The following FREM3 variants were observed in gnomAD, a reference collection of about 807,000 sequenced individuals.
The protein encoded by FREM3 is FRAS1-related extracellular matrix protein 3.
In FREM3, 105 loss-of-function variants were observed where a neutral mutation model predicts 129.1. That is an observed-to-expected ratio of 0.81 (90% CI 0.69 to 0.96). FREM3 has a LOEUF of 0.96. Among genes scored for constraint, FREM3 ranks in the 40% least tolerant of loss-of-function variants. The pLI, the probability that FREM3 is intolerant of heterozygous loss-of-function variation, is 0.00. For synonymous variants in FREM3, 1,014 were observed against 1,044.9 expected, an observed-to-expected ratio of 0.97 and a Z score of 0.57; for missense variants, 2,593 against 2,666.3, an observed-to-expected ratio of 0.97 and a Z score of 0.61.
At position 143,577,564 on chromosome 4, in the gene FREM3, G is replaced by T; in HGVS notation, c.*47C>A. 1 of 1,501,174 alleles carries T rather than the reference G, an allele frequency of 6.7e-7. No individual in the cohort carries two copies. Among genetic ancestry groups the T allele is most frequent in the South Asian group, 1.3e-5 (1 of 79,030 alleles). 93.0% of individuals were successfully genotyped at this position (1,501,174 alleles called of 1,614,324 possible). On this transcript the variant is annotated 3_prime_UTR_variant, in exon 8 of 8. Coordinates refer to ENST00000329798, the MANE Select transcript of FREM3 (RefSeq NM_001168235.2). Reference sequence around the variant, plus strand: ...TCTATAAACAGTAGAGTTTCATTCTGTTGTTAGGAGACATATCTTGGCTGT... The same window carrying T: ...TCTATAAACAGTAGAGTTTCATTCTTTTGTTAGGAGACATATCTTGGCTGT...
rs191198051 is a variant in FREM3, at chr4:143,584,266, G to A, written c.6178+1578C>T. 6.4e-3 allele frequency among the ~76,000 whole-genome samples: 976 copies of A among 152,022 alleles called. 9 individuals carry two copies. The highest frequency in any genetic ancestry group is 0.022 in the African/African-American group (899 of 41,478). On this transcript the variant is annotated intron_variant, in intron 7 of 7. Transcript: ENST00000329798. ...CTACTAAAAATACAAAAAATTAGCC[G>A]GGCGCGGTGGCGGGCGCCTGTGGTC... is the stretch of plus-strand genomic sequence containing the variant.
Position 143,627,638 on chromosome 4 carries a change from A to T in FREM3, c.5398T>A (p.Tyr1800Asn), listed in dbSNP as rs558629410. Reference sequence around the variant, plus strand: ...CTGATAAATGATGTTTCTCCAAGGTATCCTCTGCGTGTAAGGGTCACTTCT... The same window carrying T: ...CTGATAAATGATGTTTCTCCAAGGTTTCCTCTGCGTGTAAGGGTCACTTCT... The part of the protein sequence containing the change: ...FLEVTLTRRG[Y>N]LGETSFISIG... Residue 1800 changes from tyrosine (Y) to asparagine (N), a missense_variant, in exon 3 of 8, where the codon TAC becomes AAC. Around this residue, in one of 2 missense-constraint regions of FREM3, gnomAD observed 2,276 missense variants for 2,267.2 expected, o/e 1.00. Transcript: ENST00000329798. The T allele has an allele frequency of 1.3e-6, 2 of 1,536,324 alleles. No individual in the cohort carries two copies. The highest frequency in any genetic ancestry group is 4.9e-5 in the East Asian group (2 of 40,878).
At chr4:143,590,963 T>C (rs1429339870) in intron 6 of FREM3, among the ~76,000 whole-genome samples, 1 of 152,236 alleles carries the variant, frequency 6.6e-6, no homozygotes, top group African/African-American at 2.4e-5. Flanking sequence ...TGGTTTAGTC[T>C]TGGGAGAGTG....
rs1400467655 is a variant in FREM3 at position 143,698,432 on chromosome 4, C to T, written c.2244G>A (p.Pro748=). The T allele has an allele frequency of 5.9e-6, 9 of 1,537,806 alleles. No homozygotes were observed. The highest frequency in any genetic ancestry group is 2.7e-5 in the African/African-American group (2 of 73,116). Reference sequence around the variant, plus strand: ...CTTGGTGGTTGCCATCTGTGTCAGTCGGGAGTGTCAGTAGGGTGTACCATA... The same window carrying T: ...CTTGGTGGTTGCCATCTGTGTCAGTTGGGAGTGTCAGTAGGGTGTACCATA... ...QNLWYTLLTL[P]TDTDGNHQVR... Residue 748 remains proline (P), a synonymous_variant, in exon 1 of 8, where the codon CCG becomes CCA. Coordinates refer to ENST00000329798, the MANE Select transcript of FREM3 (RefSeq NM_001168235.2).
Position 143,577,597 on chromosome 4 carries a change from C to T in FREM3, c.*14G>A. ...GAGACATATCTTGGCTGTTTTTTTCCCTCTTAAAGTCTTTCAATCAAAGGA... is the reference window on the plus strand; with the variant it reads ...GAGACATATCTTGGCTGTTTTTTTCTCTCTTAAAGTCTTTCAATCAAAGGA... On this transcript the variant is annotated 3_prime_UTR_variant, in exon 8 of 8. Transcript: ENST00000329798. 1 of 1,521,936 alleles carries T rather than the reference C, an allele frequency of 6.6e-7. No individual in the cohort carries two copies. The highest frequency in any genetic ancestry group is 8.8e-7 in the Non-Finnish European group (1 of 1,139,374). 94.3% of individuals were successfully genotyped at this position (1,521,936 alleles called of 1,614,324 possible).
At chr4:143,678,333 T>A (rs1038141019) in intron 2 of FREM3, among the ~76,000 whole-genome samples, 1 of 151,962 alleles carries the variant, frequency 6.6e-6, no homozygotes, top group Non-Finnish European at 1.5e-5. Flanking sequence ...TAGATGGGAA[T>A]TGAACAATGA....
At position 143,697,474 on chromosome 4, in the gene FREM3, C is replaced by T; in HGVS notation, c.3202G>A (p.Val1068Met). ...VQVTVLPVDN[V>M]GPKVFVGESF... ...TCCCCGACGAAGACCTTGGGTCCCA[C>T]ATTGTCCACAGGCAGCACAGTTACT... Residue 1068 changes from valine to methionine, a missense_variant, in exon 1 of 8, where the codon GTG (valine) becomes ATG (methionine). Coordinates refer to ENST00000329798, the MANE Select transcript of FREM3 (RefSeq NM_001168235.2). The T allele has an allele frequency of 1.3e-6, 2 of 1,537,242 alleles. No individual in the cohort carries two copies. Among genetic ancestry groups the T allele is most frequent in the Non-Finnish European group, 1.7e-6 (2 of 1,146,886 alleles).
chr4:143,681,311 A>G (rs540290808), intron 2 of FREM3, among the ~76,000 whole-genome samples: 2 of 152,218 alleles, frequency 1.3e-5, no homozygotes, highest in African/African-American at 4.8e-5. Flanking sequence ...GTGCTATACA[A>G]GTTTAGAGTA....
intron 2 of FREM3, among the ~76,000 whole-genome samples, chr4:143,688,782 AC>A (rs1315417104): frequency 6.6e-6 from 1 of 152,096 alleles, no homozygotes; most frequent in Non-Finnish European, 1.5e-5. Context: ...GGGAAAGGAC[AC>A]CCTTTTCAAC....
Position 143,700,124 on chromosome 4 carries a change from C to G in FREM3, c.552G>C (p.Trp184Cys). 2.6e-6 allele frequency: 4 copies of G among 1,537,082 alleles called. No individual in the cohort carries two copies. The highest frequency in any genetic ancestry group is 3.5e-6 in the Non-Finnish European group (4 of 1,146,910). The change falls in exon 1 of 8, where the codon TGG (tryptophan) becomes TGC (cysteine). Residue 184 changes from tryptophan to cysteine, a missense_variant. Transcript: ENST00000329798. ...GCACTCTCCTGTCTATGGCGCGGCTCCAGCTTCGCAGCTTCTCCACTACCA... is the reference window on the plus strand; with the variant it reads ...GCACTCTCCTGTCTATGGCGCGGCTGCAGCTTCGCAGCTTCTCCACTACCA... Reference protein sequence around the residue: ...RPLVVEKLRSWSRAIDRRVLD... With the variant: ...RPLVVEKLRSCSRAIDRRVLD...
At position 143,658,593 on chromosome 4, in the gene FREM3, C is replaced by T. The variant is rs554937281; in HGVS notation, c.5276-30833G>A. 1.1e-3 allele frequency among the ~76,000 whole-genome samples: 170 copies of T among 152,324 alleles called. 1 individual carries two copies. The highest frequency in any genetic ancestry group is 1.9e-3 in the Admixed American group (29 of 15,302). ...TCAGTGTCCTTAGGATGAAGTCTAT[C>T]GACATCAGTTAGAACAAGCTTGTCC... On this transcript the variant is annotated intron_variant, in intron 2 of 7. Coordinates refer to ENST00000329798, the MANE Select transcript of FREM3 (RefSeq NM_001168235.2).
At chr4:143,677,031 G>A (rs1306376908) in intron 2 of FREM3, among the ~76,000 whole-genome samples, 1 of 152,078 alleles carries the variant, frequency 6.6e-6, no homozygotes, top group Non-Finnish European at 1.5e-5. Context: ...TCACTGAATT[G>A]GAAAAAACTA....
intron 2 of FREM3, among the ~76,000 whole-genome samples, chr4:143,683,094 G>T (rs1362215924): frequency 6.6e-6 from 1 of 152,168 alleles, no homozygotes; most frequent in East Asian, 1.9e-4. Context: ...GCCAGGAAAT[G>T]GATTCTACCC....
intron 2 of FREM3, among the ~76,000 whole-genome samples, chr4:143,676,331 A>G (rs149465727): frequency 0.073 from 11,059 of 152,242 alleles, 1,069 homozygotes; most frequent in African/African-American, 0.21. Context: ...GCCTTTGACA[A>G]AATTCAACAA....
At position 143,700,041 on chromosome 4, in the gene FREM3, G is replaced by C; in HGVS notation, c.635C>G (p.Pro212Arg). 1 of 1,517,936 alleles carries C rather than the reference G, an allele frequency of 6.6e-7. No homozygotes were observed. Among genetic ancestry groups the C allele is most frequent in the Non-Finnish European group, 8.8e-7 (1 of 1,135,200 alleles). 94.0% of individuals were successfully genotyped at this position (1,517,936 alleles called of 1,614,324 possible). A position where few individuals can be genotyped will look rare whatever the true frequency, so the allele number is the denominator to read the frequency against. The change falls in exon 1 of 8, where the codon CCA becomes CGA. Residue 212 changes from proline (P) to arginine (R), a missense_variant. Physicochemically the swap from Pro to Arg is moderately radical, Grantham distance 103. This residue lies in a region of FREM3 where 2,276 missense variants were observed against 2,267.2 expected (regional missense o/e 1.00). Transcript: ENST00000329798. ...CAGGGGGCCGTCCTCGTGAGGAAGT[G>C]GGGTAAGCCGGCACCTGCGGGTGGC... ...ATATRRCRLT[P>R]LPHEDGPLPK...
At chr4:143,677,678 A>C (rs1740166825) in intron 2 of FREM3, among the ~76,000 whole-genome samples, 1 of 152,248 alleles carries the variant, frequency 6.6e-6, no homozygotes, top group African/African-American at 2.4e-5. Flanking sequence ...ATCTACAAAG[A>C]ATTCAAACAA....
intron 7 of FREM3, among the ~76,000 whole-genome samples, chr4:143,581,165 G>T (rs1212478768): frequency 1.3e-5 from 2 of 152,154 alleles, no homozygotes; most frequent in Non-Finnish European, 2.9e-5. Context: ...GCGAGTCCCT[G>T]CCACTGTTAT....
chr4:143,597,402 A>G (rs1337042754), intron 6 of FREM3, among the ~76,000 whole-genome samples: 1 of 152,210 alleles, frequency 6.6e-6, no homozygotes, highest in South Asian at 2.1e-4. Context: ...TAGAAAATCT[A>G]CTCAGGAAGA....
At chr4:143,617,717 CA>C (rs1738876422) in intron 5 of FREM3, among the ~76,000 whole-genome samples, 1 of 152,082 alleles carries the variant, frequency 6.6e-6, no homozygotes, top group Non-Finnish European at 1.5e-5. Context: ...GGAGAAAAAA[CA>C]AGCTAGGTGA....
Sources: allele counts gnomAD v4.1 joint callset (sites outside exome capture counted in the v4.1 genomes callset), GRCh38; gene constraint gnomAD v4.1.1; regional missense constraint gnomAD v4.1.1; transcripts MANE v1.5; gene names NCBI Gene and HGNC (gene_info 2026-07-23, HGNC 2026-07-21).